Variants in PPARGC1A observed in about 807,000 individuals in gnomAD.
PPARGC1A encodes peroxisome proliferator-activated receptor gamma coactivator 1-alpha.
In PPARGC1A, 25 loss-of-function variants were observed where a neutral mutation model predicts 88.7. The observed-to-expected ratio is 0.28, with a 90% CI of 0.21 to 0.39. PPARGC1A has a LOEUF of 0.39. Among genes scored for constraint, PPARGC1A ranks in the 10% least tolerant of loss-of-function variants. PPARGC1A has a pLI of 1.00. For missense variants in PPARGC1A, 880 were observed against 968.7 expected (o/e 0.91, Z 1.22); for synonymous variants, 363 against 355.6 (o/e 1.02, Z -0.24).
the PPARGC1A span, among the ~76,000 whole-genome samples, chr4:23,913,755 AT>A: frequency 7.4e-3 from 1,111 of 150,854 alleles, 15 homozygotes; most frequent in African/African-American, 0.025. Flanking sequence ...GCAGGTGGGA[AT>A]TTTTTTTTTC....
chr4:24,186,884 A>G, the PPARGC1A span, among the ~76,000 whole-genome samples: 1 of 152,230 alleles, frequency 6.6e-6, no homozygotes, highest in Non-Finnish European at 1.5e-5. Flanking sequence ...TCCTGGAACC[A>G]CTGAGGCTGC....
the PPARGC1A span, among the ~76,000 whole-genome samples, chr4:24,443,153 T>C: frequency 1.3e-5 from 2 of 152,328 alleles, no homozygotes; most frequent in South Asian, 4.1e-4. Context: ...GCACAAATTA[T>C]ATATTTGTCT....
intron 2 of PPARGC1A, among the ~76,000 whole-genome samples, chr4:23,867,797 C>T (rs1010515329): frequency 6.6e-6 from 1 of 152,212 alleles, no homozygotes; most frequent in Non-Finnish European, 1.5e-5. Flanking sequence ...AACTGCGATA[C>T]AAGTATGGCA....
At chr4:24,190,867 G>T in the PPARGC1A span, among the ~76,000 whole-genome samples, 1 of 152,166 alleles carries the variant, frequency 6.6e-6, no homozygotes, top group African/African-American at 2.4e-5. Context: ...ATAAACAGCT[G>T]CAGCCCCTCA....
intron 2 of PPARGC1A, among the ~76,000 whole-genome samples, chr4:23,848,364 G>A (rs1213610572): frequency 6.6e-6 from 1 of 152,126 alleles, no homozygotes; most frequent in African/African-American, 2.4e-5. Context: ...CTAGAGCAAA[G>A]CCACAGAAGC....
the PPARGC1A span, among the ~76,000 whole-genome samples, chr4:24,142,005 C>G: frequency 2.0e-5 from 3 of 152,164 alleles, no homozygotes; most frequent in Non-Finnish European, 4.4e-5. Flanking sequence ...ATGAACCTTT[C>G]GTGAGGCACT....
chr4:24,224,935 A>G, the PPARGC1A span, among the ~76,000 whole-genome samples: 1 of 152,158 alleles, frequency 6.6e-6, no homozygotes, highest in Non-Finnish European at 1.5e-5. Flanking sequence ...AGGAAGGGGG[A>G]GAAAACAGCA....
At chr4:24,178,742 T>C in the PPARGC1A span, among the ~76,000 whole-genome samples, 1 of 152,236 alleles carries the variant, frequency 6.6e-6, no homozygotes, top group Admixed American at 6.5e-5. Flanking sequence ...TGAGCTTTGT[T>C]GCGAATGCTA....
At chr4:23,810,795 T>C (rs1427561921) in intron 10 of PPARGC1A, among the ~76,000 whole-genome samples, 3 of 152,216 alleles carry the variant, frequency 2.0e-5, no homozygotes, top group Admixed American at 6.5e-5. Flanking sequence ...ATCATTTTCC[T>C]ACATGTTCGC....
chr4:24,451,618 G>A, the PPARGC1A span, among the ~76,000 whole-genome samples: 5 of 152,042 alleles, frequency 3.3e-5, no homozygotes, highest in African/African-American at 4.8e-5. Flanking sequence ...TTGCTCTGTC[G>A]CCAGGCTGGA....
At chr4:24,289,937 G>A in the PPARGC1A span, among the ~76,000 whole-genome samples, 1 of 152,152 alleles carries the variant, frequency 6.6e-6, no homozygotes, top group Admixed American at 6.5e-5. Context: ...TGGCTGGGGG[G>A]GCCTCCCAAT....
the PPARGC1A span, among the ~76,000 whole-genome samples, chr4:24,145,078 A>AGTGT: frequency 0.029 from 4,165 of 144,254 alleles, 198 homozygotes; most frequent in East Asian, 0.16. Context: ...GTGTTGAATG[A>AGTGT]GTGTGTGTGT....
chr4:24,020,326 A>G, the PPARGC1A span, among the ~76,000 whole-genome samples: 1 of 152,212 alleles, frequency 6.6e-6, no homozygotes, highest in Non-Finnish European at 1.5e-5. Flanking sequence ...CGGCACTGGC[A>G]AGGGGATTAT....
chr4:24,203,114 G>A, the PPARGC1A span, among the ~76,000 whole-genome samples: 1 of 152,240 alleles, frequency 6.6e-6, no homozygotes, highest in African/African-American at 2.4e-5. Context: ...ACAGGTCACA[G>A]CTTTTAAAAT....
chr4:23,941,988 A>G, the PPARGC1A span, among the ~76,000 whole-genome samples: 1 of 152,080 alleles, frequency 6.6e-6, no homozygotes, highest in African/African-American at 2.4e-5. Flanking sequence ...CCTACTTTAA[A>G]CTGGATAGGC....
the PPARGC1A span, among the ~76,000 whole-genome samples, chr4:24,323,498 C>A: frequency 6.6e-6 from 1 of 152,216 alleles, no homozygotes; most frequent in African/African-American, 2.4e-5. Context: ...GAAGCTCCCC[C>A]ACTGAGCACC....
the PPARGC1A span, among the ~76,000 whole-genome samples, chr4:24,176,949 C>G: frequency 3.3e-5 from 5 of 152,124 alleles, no homozygotes; most frequent in African/African-American, 9.7e-5. Context: ...ATGGTAAGTT[C>G]CTTGAGGGCA....
At chr4:24,249,160 C>T in the PPARGC1A span, among the ~76,000 whole-genome samples, 1,399 of 152,256 alleles carry the variant, frequency 9.2e-3, 19 homozygotes, top group African/African-American at 0.031. Context: ...AGTGCAGAAG[C>T]CACCCTGCCA....
the PPARGC1A span, among the ~76,000 whole-genome samples, chr4:24,225,535 A>C: frequency 6.6e-6 from 1 of 151,000 alleles, no homozygotes; most frequent in Non-Finnish European, 1.5e-5. Context: ...GTCTCAAAAA[A>C]AAAACACACA....
Sources: allele counts gnomAD v4.1 joint callset (sites outside exome capture counted in the v4.1 genomes callset), GRCh38; gene constraint gnomAD v4.1.1; transcripts MANE v1.5; gene names NCBI Gene and HGNC (gene_info 2026-07-23, HGNC 2026-07-21).